Variants in GBP6 observed in about 807,000 individuals in gnomAD.
GBP6 encodes guanylate-binding protein 6.
In GBP6, 54 loss-of-function variants were observed where a neutral mutation model predicts 61.5. The ratio of observed to expected loss-of-function variants is 0.88; its 90% CI spans 0.71 to 1.10. The LOEUF is 1.10. Among genes scored for constraint, GBP6 ranks in the 50% least tolerant of loss-of-function variants. GBP6 has a pLI of 0.00. For missense variants in GBP6, 748 were observed against 752.8 expected, an observed-to-expected ratio of 0.99 and a Z score of 0.07; for synonymous variants, 255 against 273.7, an observed-to-expected ratio of 0.93 and a Z score of 0.67.
At chr1:89,374,679 A>G (rs912954203) in intron 3 of GBP6, among the ~76,000 whole-genome samples, 9 of 152,152 alleles carry the variant, frequency 5.9e-5, no homozygotes, top group Non-Finnish European at 1.2e-4. Context: ...ATAATTAGCT[A>G]TTTTGTACAC....
intron 3 of GBP6, among the ~76,000 whole-genome samples, chr1:89,370,053 A>G (rs1035943420): frequency 2.0e-5 from 3 of 152,192 alleles, no homozygotes; most frequent in Non-Finnish European, 4.4e-5. Flanking sequence ...ATGCAATGCA[A>G]TCCCTGCCCT....
chr1:89,371,001 T>A (rs139877676), intron 3 of GBP6, among the ~76,000 whole-genome samples: 1 of 152,298 alleles, frequency 6.6e-6, no homozygotes, highest in African/African-American at 2.4e-5. Flanking sequence ...ATTTCTCGCA[T>A]CCCCAGCCCC....
rs1415077969 is a variant in GBP6, at chr1:89,364,405, ATC to A, written c.-24+285_-24+286del. On this transcript the variant is annotated intron_variant, in intron 1 of 10. Transcript: ENST00000370456. ...AGCCCTGGTGGGCGCCTGCCTGGCT[ATC>A]TCTCTCAGGTCCTGCGGCAAGCCCC... 2.0e-5 allele frequency among the ~76,000 whole-genome samples: 3 copies of A among 152,328 alleles called. No individual in the cohort carries two copies. The East Asian group carries it at 5.8e-4, about 29-fold the overall frequency.
At chr1:89,382,057 C>A (rs550627596) in intron 7 of GBP6, 83 bp downstream of exon 7, 4 of 1,309,170 alleles carry the variant, frequency 3.1e-6, no homozygotes, top group Non-Finnish European at 4.2e-6. Flanking sequence ...CACCAATGCT[C>A]ATCTGTCACT....
At chr1:89,383,373 A>G (rs1653042576) in intron 8 of GBP6, among the ~76,000 whole-genome samples, 1 of 152,094 alleles carries the variant, frequency 6.6e-6, no homozygotes, top group South Asian at 2.1e-4. Context: ...AGCATCAGAG[A>G]TTGGGAGTTT....
chr1:89,370,836 G>A (rs978078129), intron 3 of GBP6, among the ~76,000 whole-genome samples: 1 of 151,994 alleles, frequency 6.6e-6, no homozygotes. Context: ...ATTTTTTGGT[G>A]TGGTAAGAAC....
chr1:89,380,310 C>A (rs1652930384), intron 5 of GBP6, 76 bp from the exon 6 acceptor site: 4 of 1,323,962 alleles, frequency 3.0e-6, no homozygotes, highest in Non-Finnish European at 1.1e-6. Flanking sequence ...AGACAATACA[C>A]CCTATCAAAA....
chr1:89,364,982 G>C (rs1215074698), intron 1 of GBP6, among the ~76,000 whole-genome samples: 1 of 143,716 alleles, frequency 7.0e-6, no homozygotes, highest in Non-Finnish European at 1.5e-5. Flanking sequence ...CAGTGTGTGA[G>C]TTTCCCACCC....
intron 3 of GBP6, among the ~76,000 whole-genome samples, chr1:89,373,277 A>G (rs1216278785): frequency 6.6e-6 from 1 of 152,212 alleles, no homozygotes; most frequent in Non-Finnish European, 1.5e-5. Flanking sequence ...AGGATCTAGA[A>G]CTAGAAATAC....
chr1:89,365,396 C>T (rs559620893), intron 1 of GBP6, among the ~76,000 whole-genome samples: 22 of 152,322 alleles, frequency 1.4e-4, no homozygotes, highest in African/African-American at 4.6e-4. Context: ...GTGATGAACA[C>T]GTTACACATC....
chr1:89,374,718 C>T (rs1392870916), intron 3 of GBP6, among the ~76,000 whole-genome samples: 1 of 151,918 alleles, frequency 6.6e-6, no homozygotes, highest in African/African-American at 2.4e-5. Flanking sequence ...GCCATTTGTA[C>T]GTCTTCTTTT....
Position 89,368,615 on chromosome 1 carries a change from T to TACAGATTC in GBP6, c.64_65insACAGATTC (p.Leu22TyrfsTer5), listed in dbSNP as rs1300359415. ...GGTGGAAAATAACAATGAGCAGCTATTGGTGAACCAGCAAGCTATACAGAT... is the reference window on the plus strand; with the variant it reads ...GGTGGAAAATAACAATGAGCAGCTATACAGATTCTGGTGAACCAGCAAGCTATACAGAT... On this transcript the variant is annotated frameshift_variant, in exon 2 of 11. Transcript: ENST00000370456. LOFTEE classifies it high-confidence loss of function. 6.2e-7 allele frequency: 1 copy of TACAGATTC among 1,614,194 alleles called. No individual in the cohort carries two copies. Among genetic ancestry groups the TACAGATTC allele is most frequent in the East Asian group, 2.2e-5 (1 of 44,890 alleles).
chr1:89,364,317 C>A (rs543442524), intron 1 of GBP6, among the ~76,000 whole-genome samples, 190 bp downstream of exon 1: 1 of 152,222 alleles, frequency 6.6e-6, no homozygotes, highest in Non-Finnish European at 1.5e-5. Context: ...GGGCACGCCG[C>A]GTCCCCCTGG....
intron 6 of GBP6, among the ~76,000 whole-genome samples, chr1:89,381,111 C>A (rs1356172072): frequency 6.6e-6 from 1 of 151,520 alleles, no homozygotes; most frequent in Non-Finnish European, 1.5e-5. Context: ...ATGGTGAAAC[C>A]CCATCTCTAC....
chr1:89,384,035 A>C, intron 9 of GBP6, 58 bp from the exon 10 acceptor site: 2 of 1,471,258 alleles, frequency 1.4e-6, no homozygotes, highest in South Asian at 2.8e-5. Context: ...AGCTCAGAAA[A>C]GTGGAGATGA....
Position 89,382,696 on chromosome 1 carries a change from G to A in GBP6, c.1185G>A (p.Leu395=). 1 of 1,614,134 alleles carries A rather than the reference G, an allele frequency of 6.2e-7. No individual in the cohort carries two copies. Among genetic ancestry groups the A allele is most frequent in the Non-Finnish European group, 8.5e-7 (1 of 1,180,000 alleles). ...ETTMNKKGDF[L]LQNEESSVQY... is the part of the protein sequence containing the mutation. ...CAATGAATAAGAAGGGGGATTTCTTGCTGCAGAATGAAGAGTCATCTGTTC... is the reference window on the plus strand; with the variant it reads ...CAATGAATAAGAAGGGGGATTTCTTACTGCAGAATGAAGAGTCATCTGTTC... Residue 395 remains leucine (L), a synonymous_variant, in exon 8 of 11, where the codon TTG becomes TTA. Coordinates refer to ENST00000370456, the MANE Select transcript of GBP6 (RefSeq NM_198460.3).
chr1:89,366,863 C>G (rs1161761248), intron 1 of GBP6, among the ~76,000 whole-genome samples: 1 of 152,168 alleles, frequency 6.6e-6, no homozygotes, highest in Non-Finnish European at 1.5e-5. Context: ...TACACTTCTA[C>G]TTTCTGTCTC....
Position 89,368,536 on chromosome 1 carries a change from T to C in GBP6, c.-16T>C. 1 of 1,610,704 alleles carries C rather than the reference T, an allele frequency of 6.2e-7. No individual in the cohort carries two copies. Among genetic ancestry groups the C allele is most frequent in the Non-Finnish European group, 8.5e-7 (1 of 1,177,826 alleles). On this transcript the variant is annotated 5_prime_UTR_variant, in exon 2 of 11. Transcript: ENST00000370456. ...CGTTATTTCTACTGGGAGGCTCTTC[T>C]AGGTTGGCAGTTGCCATGGAATCTG... is the stretch of plus-strand genomic sequence containing the variant.
intron 9 of GBP6, 26 bp downstream of exon 9, chr1:89,383,780 A>T: frequency 6.6e-7 from 1 of 1,514,592 alleles, no homozygotes; most frequent in Non-Finnish European, 9.0e-7. Flanking sequence ...CAGCTTACAC[A>T]GGAGGGGTAC....
Sources: allele counts gnomAD v4.1 joint callset (sites outside exome capture counted in the v4.1 genomes callset), GRCh38; gene constraint gnomAD v4.1.1; transcripts MANE v1.5; gene names NCBI Gene and HGNC (gene_info 2026-07-23, HGNC 2026-07-21).